Variants in CTNND2 observed in about 807,000 individuals in gnomAD.
CTNND2 encodes catenin delta 2.
CTNND2 carries 22 observed loss-of-function variants against 144.4 expected under a neutral mutation model. The observed-to-expected ratio is 0.15, with a 90% CI of 0.11 to 0.22. The LOEUF (loss-of-function observed/expected upper bound fraction) is 0.22. Among genes scored for constraint, CTNND2 ranks in the 10% least tolerant of loss-of-function variants. CTNND2 has a pLI of 1.00. For missense variants in CTNND2, 1,353 were observed against 1,618.8 expected (o/e 0.84, Z 2.82); for synonymous variants, 751 against 695.6 (o/e 1.08, Z -1.25).
In CTNND2 at chr5:11,502,458, T is replaced by A. The variant is rs533512381; in HGVS notation, c.287+62486A>T. Among the ~76,000 whole-genome samples, 3 of 152,288 alleles carry A rather than the reference T, an allele frequency of 2.0e-5. No homozygotes were observed. The South Asian group carries it at 6.2e-4, about 32-fold the overall frequency. On this transcript the variant is annotated intron_variant, in intron 3 of 21. Transcript: ENST00000304623. ...AAAAGACTGGTCAAGGAATTTAATA[T>A]CAGCACATGGTTGAGACCATTCATG... is the stretch of plus-strand genomic sequence containing the variant.
chr5:11,007,465 C>T (rs991378308), intron 18 of CTNND2, among the ~76,000 whole-genome samples: 10 of 152,210 alleles, frequency 6.6e-5, no homozygotes, highest in Middle Eastern at 3.2e-3. Context: ...CAGCCTGTCA[C>T]GGGCACGTGG....
At chr5:11,413,950 G>A (rs1287409877) in intron 3 of CTNND2, among the ~76,000 whole-genome samples, 1 of 152,172 alleles carries the variant, frequency 6.6e-6, no homozygotes, top group Non-Finnish European at 1.5e-5. Context: ...AAAACCCTAA[G>A]ACCTGTGAAT....
intron 14 of CTNND2, among the ~76,000 whole-genome samples, chr5:11,099,882 G>T (rs560545524): frequency 1.3e-5 from 2 of 152,046 alleles, no homozygotes; most frequent in African/African-American, 2.4e-5. Flanking sequence ...GAACATGAAG[G>T]TATTTAGCTT....
chr5:11,455,050 C>A (rs1765619550), intron 3 of CTNND2, among the ~76,000 whole-genome samples: 1 of 149,346 alleles, frequency 6.7e-6, no homozygotes, highest in African/African-American at 2.5e-5. Context: ...AAGTACTTAA[C>A]TTGTTCAAGT....
intron 14 of CTNND2, among the ~76,000 whole-genome samples, chr5:11,108,689 G>A (rs1752660532): frequency 6.6e-6 from 1 of 151,936 alleles, no homozygotes; most frequent in African/African-American, 2.4e-5. Context: ...ATTCCATCAG[G>A]TCCTGCTTAT....
chr5:11,469,528 G>C (rs2244828), intron 3 of CTNND2, among the ~76,000 whole-genome samples: 1 of 151,854 alleles, frequency 6.6e-6, no homozygotes, highest in African/African-American at 2.4e-5. Context: ...AAGTCAGTCC[G>C]TCAGCTGACA....
At chr5:11,434,099 A>G (rs1763544776) in intron 3 of CTNND2, among the ~76,000 whole-genome samples, 1 of 152,238 alleles carries the variant, frequency 6.6e-6, no homozygotes, top group Admixed American at 6.5e-5. Context: ...GAATGAATCA[A>G]CAATCTGTAG....
intron 1 of CTNND2, among the ~76,000 whole-genome samples, chr5:11,880,262 A>G (rs1315705729): frequency 6.6e-6 from 1 of 152,136 alleles, no homozygotes; most frequent in Non-Finnish European, 1.5e-5. Context: ...TTAGGAAATG[A>G]TTACTATAAA....
chr5:11,634,440 C>G (rs1414560572), intron 2 of CTNND2, among the ~76,000 whole-genome samples: 2 of 152,170 alleles, frequency 1.3e-5, no homozygotes, highest in African/African-American at 4.8e-5. Flanking sequence ...GGGATCTGGA[C>G]TTTCTCCTCA....
chr5:11,711,582 T>C (rs1786037272), intron 2 of CTNND2, among the ~76,000 whole-genome samples: 1 of 152,266 alleles, frequency 6.6e-6, no homozygotes, highest in Admixed American at 6.5e-5. Context: ...TGAACTGTTT[T>C]AAGCTCTTTA....
chr5:11,294,389 T>G (rs1748681230), intron 9 of CTNND2, among the ~76,000 whole-genome samples: 1 of 152,200 alleles, frequency 6.6e-6, no homozygotes, highest in Non-Finnish European at 1.5e-5. Context: ...TAGCCACTTT[T>G]TCATGGGACA....
chr5:11,172,136 T>C (rs1414344225), intron 11 of CTNND2, among the ~76,000 whole-genome samples: 1 of 152,202 alleles, frequency 6.6e-6, no homozygotes, highest in Non-Finnish European at 1.5e-5. Context: ...ACCGATGCAC[T>C]AGCTTCACCT....
chr5:11,032,968 C>T (rs1441327983), intron 16 of CTNND2, among the ~76,000 whole-genome samples: 2 of 152,180 alleles, frequency 1.3e-5, no homozygotes, highest in African/African-American at 4.8e-5. Flanking sequence ...CATGTGATGA[C>T]ACTGTACACA....
chr5:11,074,843 T>C (rs1258830112), intron 16 of CTNND2, among the ~76,000 whole-genome samples: 1 of 152,216 alleles, frequency 6.6e-6, no homozygotes, highest in Non-Finnish European at 1.5e-5. Flanking sequence ...CAGGAATCTT[T>C]GTCCGGAAAC....
chr5:11,827,079 A>T (rs1793643160), intron 1 of CTNND2, among the ~76,000 whole-genome samples: 1 of 152,140 alleles, frequency 6.6e-6, no homozygotes, highest in Non-Finnish European at 1.5e-5. Context: ...CAGTAAAATA[A>T]ATCAAATATC....
intron 16 of CTNND2, among the ~76,000 whole-genome samples, chr5:11,064,709 C>T (rs1409017806): frequency 6.6e-6 from 1 of 152,168 alleles, no homozygotes; most frequent in African/African-American, 2.4e-5. Context: ...AAACTCATCC[C>T]TTTGTCTCTT....
chr5:11,547,637 G>A (rs537984362), intron 3 of CTNND2, among the ~76,000 whole-genome samples: 27 of 152,282 alleles, frequency 1.8e-4, no homozygotes, highest in African/African-American at 6.5e-4. Context: ...GAAAAGACAT[G>A]AGTAAGTGAC....
intron 12 of CTNND2, among the ~76,000 whole-genome samples, chr5:11,119,689 A>G (rs1753886465): frequency 6.6e-6 from 1 of 152,248 alleles, no homozygotes; most frequent in South Asian, 2.1e-4. Context: ...ATTCTGAATC[A>G]GACCTCTTTG....
intron 1 of CTNND2, among the ~76,000 whole-genome samples, chr5:11,824,364 G>A (rs778460543): frequency 3.9e-5 from 6 of 152,086 alleles, no homozygotes; most frequent in Non-Finnish European, 7.4e-5. Flanking sequence ...TTAAAGGAGC[G>A]TCAGCAAATG....
Sources: allele counts gnomAD v4.1 joint callset (sites outside exome capture counted in the v4.1 genomes callset), GRCh38; gene constraint gnomAD v4.1.1; transcripts MANE v1.5; gene names NCBI Gene and HGNC (gene_info 2026-07-23, HGNC 2026-07-21).